CHRM2: variants seen among roughly 807,000 people sequenced by gnomAD.
The protein encoded by CHRM2 is cholinergic receptor muscarinic 2.
In CHRM2, 8 loss-of-function variants were observed where a neutral mutation model predicts 25.0. The observed-to-expected ratio is 0.32, with a 90% CI of 0.19 to 0.58. CHRM2 has a LOEUF of 0.58. CHRM2 is among the 20% of genes least tolerant of loss of function. The pLI is 0.88. For missense variants in CHRM2, 440 were observed against 567.1 expected (o/e 0.78, Z 2.28); for synonymous variants, 202 against 205.7 (o/e 0.98, Z 0.15).
At chr7:136,910,095 C>T (rs1163890826) in intron 2 of CHRM2, among the ~76,000 whole-genome samples, 2 of 151,788 alleles carry the variant, frequency 1.3e-5, no homozygotes, top group South Asian at 2.1e-4. Flanking sequence ...GCCAGGGAGG[C>T]AGGTAATTAG....
At chr7:136,972,358 T>C (rs890299942) in intron 2 of CHRM2, among the ~76,000 whole-genome samples, 1 of 152,194 alleles carries the variant, frequency 6.6e-6, no homozygotes, top group Non-Finnish European at 1.5e-5. Flanking sequence ...CTGTCTTGTT[T>C]TGTCCAACCT....
intron 2 of CHRM2, among the ~76,000 whole-genome samples, chr7:136,874,365 C>A (rs986266294): frequency 2.7e-5 from 4 of 149,818 alleles, no homozygotes; most frequent in African/African-American, 9.8e-5. Context: ...CTTTTTTTTT[C>A]TTCACATGTT....
intron 3 of CHRM2, among the ~76,000 whole-genome samples, chr7:136,997,055 C>G (rs1257120824): frequency 2.7e-5 from 4 of 148,512 alleles, no homozygotes; most frequent in African/African-American, 5.3e-5. Flanking sequence ...GATTCTCCCC[C>G]TCCAAGGACT....
intron 3 of CHRM2, among the ~76,000 whole-genome samples, chr7:137,002,953 A>G (rs1041677092): frequency 7.2e-5 from 11 of 152,100 alleles, no homozygotes; most frequent in Non-Finnish European, 1.5e-4. Flanking sequence ...AATATTGTCA[A>G]TGGTAGATTT....
At chr7:136,889,968 T>C (rs1223625003) in intron 2 of CHRM2, among the ~76,000 whole-genome samples, 1 of 152,206 alleles carries the variant, frequency 6.6e-6, no homozygotes, top group Non-Finnish European at 1.5e-5. Flanking sequence ...CAGGGAGGAA[T>C]AGACTTCTCC....
At chr7:136,952,573 T>A (rs1289987641) in intron 2 of CHRM2, among the ~76,000 whole-genome samples, 1 of 88,816 alleles carries the variant, frequency 1.1e-5, no homozygotes, top group Non-Finnish European at 2.5e-5. Context: ...ACATCTTTTT[T>A]AAAACTTTTT....
chr7:137,015,994 C>T lies in CHRM2; in HGVS notation c.1129C>T (p.Pro377Ser). The T allele has an allele frequency of 6.2e-7, 1 of 1,613,082 alleles. No individual in the cohort carries two copies. The highest frequency in any genetic ancestry group is 8.5e-7 in the Non-Finnish European group (1 of 1,179,434). The change falls in exon 4 of 4, where the codon CCT becomes TCT. Residue 377 changes from proline (P) to serine (S), a missense_variant. Coordinates refer to ENST00000680005, the MANE Select transcript of CHRM2 (RefSeq NM_001006630.2). This position sits in a 1 kb window ranked among gnomAD's most constrained non-coding sequence, Gnocchi z 5.1. ...GACTAAGCAGCCTGCAAAAAAGAAGCCTCCTCCTTCCCGGGAAAAGAAAGT... is the reference window on the plus strand; with the variant it reads ...GACTAAGCAGCCTGCAAAAAAGAAGTCTCCTCCTTCCCGGGAAAAGAAAGT... ...KMTKQPAKKK[P>S]PPSREKKVTR...
intron 2 of CHRM2, chr7:136,902,537 A>T (rs149592545): frequency 9.9e-5 from 15 of 152,212 alleles, no homozygotes; most frequent in African/African-American, 3.6e-4. Context: ...ATCCTAGATG[A>T]CTCTTATGAA....
chr7:136,921,385 C>A (rs1245590133), intron 2 of CHRM2, among the ~76,000 whole-genome samples: 1 of 152,122 alleles, frequency 6.6e-6, no homozygotes, highest in Non-Finnish European at 1.5e-5. Flanking sequence ...GGAAGACCAT[C>A]AACATCTGGA....
chr7:136,978,740 G>A (rs765496762), intron 2 of CHRM2, among the ~76,000 whole-genome samples: 1 of 152,058 alleles, frequency 6.6e-6, no homozygotes, highest in South Asian at 2.1e-4. Context: ...TGAGAATGAT[G>A]GTTACCAGCT....
chr7:136,926,387 T>C (rs1371698034), intron 2 of CHRM2, among the ~76,000 whole-genome samples: 3 of 152,200 alleles, frequency 2.0e-5, no homozygotes, highest in African/African-American at 7.2e-5. Context: ...CATAGAAAGG[T>C]AGAATCATAA....
intron 3 of CHRM2, among the ~76,000 whole-genome samples, chr7:137,008,252 C>T (rs1438316683): frequency 6.6e-6 from 1 of 152,092 alleles, no homozygotes; most frequent in East Asian, 1.9e-4. Context: ...ACCGCTGGCT[C>T]TTCAGTAGGT....
At chr7:136,986,699 A>G (rs527295071) in intron 2 of CHRM2, among the ~76,000 whole-genome samples, 1 of 152,300 alleles carries the variant, frequency 6.6e-6, no homozygotes, top group East Asian at 1.9e-4. Flanking sequence ...GAGCTAAGAA[A>G]TGTCAAATAA....
intron 2 of CHRM2, among the ~76,000 whole-genome samples, chr7:136,968,493 A>C (rs528133984): frequency 6.6e-6 from 1 of 151,990 alleles, no homozygotes; most frequent in South Asian, 2.1e-4. Flanking sequence ...CTAAAAATGC[A>C]ATTACCATAT....
At chr7:136,956,262 A>G (rs985446397) in intron 2 of CHRM2, among the ~76,000 whole-genome samples, 14 of 152,238 alleles carry the variant, frequency 9.2e-5, no homozygotes, top group Non-Finnish European at 2.9e-5. Context: ...AGAGAGCAAG[A>G]AAGAATTGTT....
chr7:136,981,472 T>G (rs969477627), intron 2 of CHRM2, among the ~76,000 whole-genome samples: 1 of 152,346 alleles, frequency 6.6e-6, no homozygotes, highest in African/African-American at 2.4e-5. Context: ...TGATCTTAGT[T>G]ATTTCTTGTC....
intron 2 of CHRM2, among the ~76,000 whole-genome samples, chr7:136,872,783 G>C (rs1795891039): frequency 6.6e-6 from 1 of 152,142 alleles, no homozygotes; most frequent in Non-Finnish European, 1.5e-5. Flanking sequence ...AGAACAAAAG[G>C]GAAATGAAGA....
intron 2 of CHRM2, chr7:136,901,876 T>C (rs1320057251): frequency 6.6e-6 from 1 of 151,924 alleles, no homozygotes; most frequent in Non-Finnish European, 1.5e-5. Flanking sequence ...GGTGGTAAAT[T>C]GTTAGAGCCC....
intron 2 of CHRM2, among the ~76,000 whole-genome samples, chr7:136,946,660 C>T (rs866126250): frequency 3.3e-5 from 5 of 152,120 alleles, no homozygotes; most frequent in African/African-American, 7.2e-5. Flanking sequence ...GTATTTTCTG[C>T]GCTTCTTTCT....
Sources: allele counts gnomAD v4.1 joint callset (sites outside exome capture counted in the v4.1 genomes callset), GRCh38; gene constraint gnomAD v4.1.1; non-coding constraint Gnocchi (gnomAD v3.1); transcripts MANE v1.5; gene names NCBI Gene and HGNC (gene_info 2026-07-23, HGNC 2026-07-21).